The following KDM6A variants were observed in gnomAD, a reference collection of about 807,000 sequenced individuals.
KDM6A encodes lysine-specific demethylase 6A.
A neutral mutation model predicts 117.6 loss-of-function variants in KDM6A; 11 were observed. The observed-to-expected ratio is 0.09, with a 90% CI of 0.06 to 0.15. The LOEUF (loss-of-function observed/expected upper bound fraction) is 0.15, where lower values mean the gene tolerates loss of function less well. Ranked by LOEUF, KDM6A falls within the 10% of genes least tolerant of loss-of-function variation. The pLI, the probability that KDM6A is intolerant of heterozygous loss-of-function variation, is 1.00. For missense variants in KDM6A, 799 were observed against 1,077.3 expected (o/e 0.74, Z 3.62); for synonymous variants, 384 against 396.1 (o/e 0.97, Z 0.36).
intron 2 of KDM6A, among the ~76,000 whole-genome samples, chrX:44,944,587 G>A (rs2037523995): frequency 9.0e-6 from 1 of 111,052 alleles, no homozygotes; most frequent in South Asian, 3.7e-4. Flanking sequence ...GACTATTTAG[G>A]ACTTCTTTGA....
intron 27 of KDM6A, among the ~76,000 whole-genome samples, chrX:45,095,996 A>G (rs993379990): frequency 8.9e-5 from 10 of 111,761 alleles, no homozygotes; most frequent in Non-Finnish European, 1.7e-4. Flanking sequence ...ATTTTAAACC[A>G]TCTTTAATAT....
chrX:45,080,963 G>A (rs1240984092), intron 21 of KDM6A, among the ~76,000 whole-genome samples: 2 of 111,859 alleles, frequency 1.8e-5, no homozygotes, highest in African/African-American at 6.5e-5. Context: ...ACGGAGTTTC[G>A]CTCTTGTTGC....
chrX:44,890,835 A>C (rs1370073685), intron 2 of KDM6A, among the ~76,000 whole-genome samples: 2 of 107,790 alleles, frequency 1.9e-5, no homozygotes, highest in Non-Finnish European at 3.8e-5. Flanking sequence ...TTGTATTTTT[A>C]GTAGAGAGGA....
chrX:44,931,656 T>A (rs1243394232), intron 2 of KDM6A, among the ~76,000 whole-genome samples: 1 of 111,035 alleles, frequency 9.0e-6, no homozygotes, highest in African/African-American at 3.3e-5. Context: ...TCTAAAGTAG[T>A]CAAAATCATA....
chrX:45,093,796 T>C (rs752664119), intron 27 of KDM6A, among the ~76,000 whole-genome samples: 2 of 111,739 alleles, frequency 1.8e-5, no homozygotes, highest in African/African-American at 6.5e-5. Context: ...TATGTTGTTA[T>C]AAAGTTGTCT....
intron 4 of KDM6A, among the ~76,000 whole-genome samples, chrX:44,975,562 A>T (rs866633633): frequency 1.4e-4 from 16 of 111,219 alleles, no homozygotes; most frequent in African/African-American, 3.3e-4. Flanking sequence ...GCTTTTTTTT[A>T]AAAGCTTTAT....
At chrX:45,045,424 A>G (rs749703585) in intron 8 of KDM6A, among the ~76,000 whole-genome samples, 3 of 108,753 alleles carry the variant, frequency 2.8e-5, no homozygotes, top group South Asian at 4.1e-4. Context: ...CGCTTTTACT[A>G]AAAATACAAA....
chrX:45,035,282 TA>T (rs1277028495), intron 7 of KDM6A, among the ~76,000 whole-genome samples: 1 of 112,015 alleles, frequency 8.9e-6, no homozygotes, highest in Non-Finnish European at 1.9e-5. Context: ...TTGGTAGGAT[TA>T]AAAACAGGTT....
rs146452563 is a variant in KDM6A at position 44,944,527 on chromosome X, A to G, written c.226-16757A>G. Among the ~76,000 whole-genome samples the G allele has an allele frequency of 4.4e-3, 497 of 111,730 alleles. 2 individuals carry two copies. The highest frequency in any genetic ancestry group is 0.015 in the African/African-American group (452 of 30,771). ...TTGGGAGACTTCTCATCTTAATGCT[A>G]TTGAGTCTCCCAATTTCATGAACAC... On this transcript the variant is annotated intron_variant, in intron 2 of 29. Coordinates refer to ENST00000611820, the MANE Select transcript of KDM6A (RefSeq NM_001291415.2).
chrX:44,920,461 C>T (rs185271806), intron 2 of KDM6A, among the ~76,000 whole-genome samples: 105 of 106,882 alleles, frequency 9.8e-4, no homozygotes, highest in Non-Finnish European at 1.8e-3. Context: ...TTTTTTGAGA[C>T]GGAGTCTCGC....
At chrX:45,040,301 G>A in intron 8 of KDM6A, among the ~76,000 whole-genome samples, 1 of 99,038 alleles carries the variant, frequency 1.0e-5, no homozygotes, top group Non-Finnish European at 2.1e-5. Flanking sequence ...CCCGGACGGG[G>A]CGGCTGGCCG....
intron 2 of KDM6A, among the ~76,000 whole-genome samples, chrX:44,950,632 T>G (rs1184891179): frequency 1.8e-5 from 2 of 110,645 alleles, no homozygotes; most frequent in Non-Finnish European, 3.8e-5. Flanking sequence ...AATCCATTAA[T>G]TCATGTGGTT....
At position 44,905,192 on chromosome X, in the gene KDM6A, T is replaced by C. The variant is rs1448802745; in HGVS notation, c.225+31205T>C. Among the ~76,000 whole-genome samples the C allele has an allele frequency of 1.4e-4, 16 of 112,346 alleles. No homozygotes were observed. In the Admixed American group the frequency reaches 1.5e-3, roughly 11 times the overall value. Reference sequence around the variant, plus strand: ...TTTCTTTATCACATACTACATACATTAACAGTGTTGGAATAACAGTACCAG... The same window carrying C: ...TTTCTTTATCACATACTACATACATCAACAGTGTTGGAATAACAGTACCAG... On this transcript the variant is annotated intron_variant, in intron 2 of 29. Transcript: ENST00000611820.
chrX:44,911,699 G>A lies in KDM6A; in HGVS notation c.225+37712G>A, dbSNP rs753890671. ...GCGGCTGGGAGGTGGAGGTTGTAGCGAGCCGAGATCACGCCACTGCACTCC... is the reference window on the plus strand; with the variant it reads ...GCGGCTGGGAGGTGGAGGTTGTAGCAAGCCGAGATCACGCCACTGCACTCC... On this transcript the variant is annotated intron_variant, in intron 2 of 29. Coordinates refer to ENST00000611820, the MANE Select transcript of KDM6A (RefSeq NM_001291415.2). Among the ~76,000 whole-genome samples, 6 of 111,547 alleles carry A rather than the reference G, an allele frequency of 5.4e-5. No homozygotes were observed. In the East Asian group the frequency reaches 1.4e-3, roughly 27 times the overall value.
intron 4 of KDM6A, among the ~76,000 whole-genome samples, chrX:45,003,755 G>GTCTCTGTCTCTTCCTC (rs1185596144): frequency 9.5e-6 from 1 of 105,351 alleles, no homozygotes; most frequent in Non-Finnish European, 2.0e-5. Flanking sequence ...CTCCCTCTTT[G>GTCTCTGTCTCTTCCTC]TCTCTGTCTC....
At chrX:45,012,835 A>G (rs943267726) in intron 5 of KDM6A, among the ~76,000 whole-genome samples, 3 of 111,676 alleles carry the variant, frequency 2.7e-5, no homozygotes, top group African/African-American at 9.8e-5. Context: ...CTGTGTGTAT[A>G]TAGTGTATTA....
chrX:44,927,635 T>C (rs773297196), intron 2 of KDM6A, among the ~76,000 whole-genome samples: 1 of 111,087 alleles, frequency 9.0e-6, no homozygotes, highest in Admixed American at 9.7e-5. Context: ...AACTGATTCA[T>C]AAGCCACCTG....
intron 3 of KDM6A, among the ~76,000 whole-genome samples, chrX:44,969,445 T>G: frequency 1.2e-5 from 1 of 84,371 alleles, no homozygotes; most frequent in African/African-American, 4.7e-5. Flanking sequence ...TGAGATGGAG[T>G]CTTGCTCTGT....
At chrX:44,993,056 G>A (rs1602489847) in intron 4 of KDM6A, among the ~76,000 whole-genome samples, 1 of 111,695 alleles carries the variant, frequency 9.0e-6, no homozygotes, top group Non-Finnish European at 1.9e-5. Context: ...AGTTTTGATT[G>A]CTGACTAAAA....
Sources: gnomAD v4.1 joint callset for allele counts (sites outside exome capture counted in the v4.1 genomes callset) on GRCh38, gnomAD v4.1.1 for gene constraint, MANE v1.5 for transcripts, NCBI Gene and HGNC (gene_info 2026-07-23, HGNC 2026-07-21) for gene names.